PTPRN2: variants seen among roughly 807,000 people sequenced by gnomAD.
PTPRN2 encodes the protein receptor-type tyrosine-protein phosphatase N2.
Under a neutral mutation model 118.8 loss-of-function variants are expected in PTPRN2, and 74 were observed. The observed-to-expected ratio is 0.62, with a 90% CI of 0.52 to 0.76. The LOEUF is 0.76. Ranked by LOEUF, PTPRN2 falls within the 30% of genes least tolerant of loss-of-function variation. The probability of loss-of-function intolerance (pLI) is 0.00; values close to 1 mark genes in which losing one functional copy is unlikely to be tolerated. For missense variants in PTPRN2, 1,481 were observed against 1,394.4 expected, an observed-to-expected ratio of 1.06 and a Z score of -0.99; for synonymous variants, 641 against 608.0, an observed-to-expected ratio of 1.05 and a Z score of -0.80.
At chr7:158,070,951 TGGTGGTGGAGGTGCTCAC>T (rs1204589529) in intron 11 of PTPRN2, among the ~76,000 whole-genome samples, 2 of 121,650 alleles carry the variant, frequency 1.6e-5, no homozygotes, top group African/African-American at 7.3e-5. Context: ...GAGGTGCCCG[TGGTGGTGGAGGTGCTCAC>T]GGTGGAGGTG....
chr7:158,256,178 G>T (rs547285978), intron 3 of PTPRN2, among the ~76,000 whole-genome samples: 3 of 152,168 alleles, frequency 2.0e-5, no homozygotes, highest in Admixed American at 1.3e-4. Flanking sequence ...TGTTGACGAC[G>T]ATGCTTTGAT....
chr7:158,473,339 G>A (rs1386684529), intron 2 of PTPRN2, among the ~76,000 whole-genome samples: 1 of 152,202 alleles, frequency 6.6e-6, no homozygotes, highest in Non-Finnish European at 1.5e-5. Flanking sequence ...AGCTCTTCCT[G>A]CCATAAGCAC....
chr7:158,300,554 A>ACAGCACCTCGCCCGCCACCCAGTCCCG lies in PTPRN2; in HGVS notation c.277+16264_277+16265insCGGGACTGGGTGGCGGGCGAGGTGCTG, dbSNP rs1554445854. Among the ~76,000 whole-genome samples the ACAGCACCTCGCCCGCCACCCAGTCCCG allele has an allele frequency of 4.1e-5, 6 of 146,746 alleles. No individual in the cohort carries two copies. The East Asian group carries it at 8.1e-4, about 20-fold the overall frequency. On this transcript the variant is annotated intron_variant, in intron 3 of 22. Coordinates refer to ENST00000389418, the MANE Select transcript of PTPRN2 (RefSeq NM_002847.5). ...AGAAGACACCCCAATCTGCACGCCC[A>ACAGCACCTCGCCCGCCACCCAGTCCCG]CAGCGCCTCGCCCGCCACCCAGTCC...
At chr7:157,657,792 A>T (rs55896549) in intron 13 of PTPRN2, among the ~76,000 whole-genome samples, 573 of 4,778 alleles carry the variant, frequency 0.12, 70 homozygotes, top group African/African-American at 0.18. Flanking sequence ...TACACACACA[A>T]ACGCCACACA....
At chr7:157,925,524 C>T (rs746359542) in intron 11 of PTPRN2, among the ~76,000 whole-genome samples, 66 of 152,184 alleles carry the variant, frequency 4.3e-4, no homozygotes, top group Non-Finnish European at 9.0e-4. Flanking sequence ...CCTGGCCTGG[C>T]CCCTCTCCCT....
intron 12 of PTPRN2, among the ~76,000 whole-genome samples, chr7:157,771,256 T>C (rs2151025665): frequency 6.6e-6 from 1 of 152,348 alleles, no homozygotes; most frequent in African/African-American, 2.4e-5. Context: ...CTGATGCCAG[T>C]GGAGCAGAAA....
chr7:158,342,965 A>G (rs774714595), intron 2 of PTPRN2, among the ~76,000 whole-genome samples: 1 of 152,236 alleles, frequency 6.6e-6, no homozygotes, highest in Non-Finnish European at 1.5e-5. Context: ...CAGCCAGCAC[A>G]TGCCGATGAC....
At chr7:157,733,843 C>T (rs1314229156) in intron 12 of PTPRN2, among the ~76,000 whole-genome samples, 2 of 38,716 alleles carry the variant, frequency 5.2e-5, no homozygotes, top group Admixed American at 2.3e-4. Flanking sequence ...CACAGTTACT[C>T]TTCCGTCCCA....
rs536338309 is a variant in PTPRN2, at chr7:157,675,234, C to T, written c.2001+7491G>A. Among the ~76,000 whole-genome samples, 6 of 152,326 alleles carry T rather than the reference C, an allele frequency of 3.9e-5. No individual in the cohort carries two copies. In the East Asian group the frequency reaches 1.2e-3, roughly 29 times the overall value. On this transcript the variant is annotated intron_variant, in intron 13 of 22. Transcript: ENST00000389418. ...CCTCCCGCCATGGGCAGCAGGGTTC[C>T]CGCTGAGCTGGGCCCACCTGACCAG...
At chr7:158,394,911 T>A (rs1035990169) in intron 2 of PTPRN2, among the ~76,000 whole-genome samples, 1 of 152,170 alleles carries the variant, frequency 6.6e-6, no homozygotes, top group Non-Finnish European at 1.5e-5. Context: ...GGCCAGGCTG[T>A]GCAGGCCGCA....
At chr7:158,066,326 G>A (rs953136369) in intron 11 of PTPRN2, among the ~76,000 whole-genome samples, 6 of 152,200 alleles carry the variant, frequency 3.9e-5, no homozygotes, top group African/African-American at 1.4e-4. Context: ...GCTCCAGGAT[G>A]AAATGAGGCT....
chr7:157,895,130 A>G (rs1396258989), intron 12 of PTPRN2, among the ~76,000 whole-genome samples: 2 of 151,902 alleles, frequency 1.3e-5, no homozygotes, highest in Non-Finnish European at 2.9e-5. Context: ...AGAGGGTCTG[A>G]ACGAGACCAT....
intron 1 of PTPRN2, among the ~76,000 whole-genome samples, chr7:158,498,061 G>A (rs1299251653): frequency 1.3e-5 from 2 of 152,272 alleles, no homozygotes; most frequent in Non-Finnish European, 2.9e-5. Flanking sequence ...ACGGTGATGT[G>A]TGTGCTCAGC....
intron 8 of PTPRN2, among the ~76,000 whole-genome samples, chr7:158,136,179 G>A (rs1818793569): frequency 6.6e-6 from 1 of 152,214 alleles, no homozygotes; most frequent in South Asian, 2.1e-4. Context: ...ACCCAGTGCG[G>A]CCAAGGCACT....
At chr7:158,429,796 A>T (rs1816020686) in intron 2 of PTPRN2, among the ~76,000 whole-genome samples, 1 of 152,268 alleles carries the variant, frequency 6.6e-6, no homozygotes, top group African/African-American at 2.4e-5. Context: ...CAGGCCATGG[A>T]TGGTGAGCTA....
intron 1 of PTPRN2, among the ~76,000 whole-genome samples, chr7:158,564,076 T>C (rs2129451072): frequency 6.6e-6 from 1 of 152,340 alleles, no homozygotes; most frequent in East Asian, 1.9e-4. Flanking sequence ...CAGCCAGCTC[T>C]GGATCTGAGT....
At chr7:157,960,632 A>G (rs1801463781) in intron 11 of PTPRN2, among the ~76,000 whole-genome samples, 1 of 152,282 alleles carries the variant, frequency 6.6e-6, no homozygotes, top group Admixed American at 6.5e-5. Context: ...AAAATTATTC[A>G]TCCGTTAAAA....
chr7:158,587,584 C>G lies in PTPRN2; in HGVS notation c.86G>C (p.Arg29Pro). Residue 29 changes from arginine to proline, a missense_variant, in exon 1 of 23, where the codon CGC (arginine) becomes CCC (proline). Physicochemically the swap from Arg to Pro is moderately radical, Grantham distance 103 (BLOSUM62 -2). Around this residue, in one of 3 missense-constraint regions of PTPRN2, gnomAD observed 1,115 missense variants for 994.2 expected, o/e 1.12. Transcript: ENST00000389418. ...CAGACGCCCCGGGAGCTGCCGGCCG[C>G]GGGGGACGGACGAAGGGGCGGCAGG... ...VLPAAPSSVPRGRQLPGRLGC... is the reference protein window; with the variant it reads ...VLPAAPSSVPPGRQLPGRLGC... 7.5e-7 allele frequency: 1 copy of G among 1,337,250 alleles called. No individual in the cohort carries two copies. The highest frequency in any genetic ancestry group is 9.5e-7 in the Non-Finnish European group (1 of 1,049,304). 82.8% of individuals were successfully genotyped at this position (1,337,250 alleles called of 1,614,324 possible).
At chr7:158,065,832 A>T (rs1810730505) in intron 11 of PTPRN2, among the ~76,000 whole-genome samples, 1 of 152,234 alleles carries the variant, frequency 6.6e-6, no homozygotes, top group Admixed American at 6.5e-5. Flanking sequence ...AATGGAAATT[A>T]CCCCAGAGCA....
Sources: gnomAD v4.1 joint callset for allele counts (sites outside exome capture counted in the v4.1 genomes callset) on GRCh38, gnomAD v4.1.1 for gene constraint, gnomAD v4.1.1 regional missense constraint, MANE v1.5 for transcripts, NCBI Gene and HGNC (gene_info 2026-07-23, HGNC 2026-07-21) for gene names.